Variants in MTARC1 observed in about 807,000 individuals in gnomAD.
The protein encoded by MTARC1 is mitochondrial amidoxime-reducing component 1.
MTARC1 carries 24 observed loss-of-function variants against 33.6 expected under a neutral mutation model. The ratio of observed to expected loss-of-function variants is 0.72; its 90% CI spans 0.52 to 1.01. The LOEUF (loss-of-function observed/expected upper bound fraction) is 1.01, where lower values mean the gene tolerates loss of function less well. Ranked by LOEUF, MTARC1 falls within the 50% of genes least tolerant of loss-of-function variation. The pLI is 0.00. For synonymous variants in MTARC1, 187 were observed against 189.5 expected (o/e 0.99, Z 0.11); for missense variants, 417 against 445.7 (o/e 0.94, Z 0.58).
rs1672675015 is a variant in MTARC1 at position 220,797,976 on chromosome 1, C to T, written c.715C>T (p.Pro239Ser). Reference sequence around the variant, plus strand: ...GAAAGTTAAAGCAACCAACTTCAGGCCCAATATTGTAATTTCAGGATGCGA... The same window carrying T: ...GAAAGTTAAAGCAACCAACTTCAGGTCCAATATTGTAATTTCAGGATGCGA... ...EKKVKATNFR[P>S]NIVISGCDVY... Residue 239 changes from proline (P) to serine (S), a missense_variant, in exon 4 of 7, where the codon CCC becomes TCC. Pro to Ser is a moderately conservative substitution (Grantham distance 74). Transcript: ENST00000366910. The T allele has an allele frequency of 1.9e-6, 3 of 1,614,104 alleles. No homozygotes were observed. Among genetic ancestry groups the T allele is most frequent in the African/African-American group, 2.7e-5 (2 of 74,924 alleles).
intron 1 of MTARC1, among the ~76,000 whole-genome samples, chr1:220,787,499 A>T (rs1161049680): frequency 6.6e-6 from 1 of 152,010 alleles, no homozygotes; most frequent in African/African-American, 2.4e-5. Context: ...GCTCCTGCTG[A>T]GGTGTGGTAT....
Position 220,805,090 on chromosome 1 carries a change from G to GA in MTARC1, c.796dup (p.Arg266LysfsTer36). 1 of 1,614,202 alleles carries GA rather than the reference G, an allele frequency of 6.2e-7. No homozygotes were observed. The highest frequency in any genetic ancestry group is 1.1e-5 in the South Asian group (1 of 91,080). On this transcript the variant is annotated frameshift_variant, in exon 5 of 7. Transcript: ENST00000366910. LOFTEE classifies it high-confidence loss of function. ...AGCTTCTTATTGGTGACGTGGAACT[G>GA]AAAAGGGTGATGGCTTGTTCCAGGT...
Position 220,787,158 on chromosome 1 carries a change from G to A in MTARC1, c.214G>A (p.Val72Met). ...CTACCCTGTGAAATCCTGCAAGGGG[G>A]TGCCGGTGAGCGAGGCGGAGTGCAC... ...WIYPVKSCKG[V>M]PVSEAECTAM... The change falls in exon 1 of 7, where the codon GTG becomes ATG. Residue 72 changes from valine to methionine, a missense_variant. By Grantham distance (21) the Val-to-Met change is conservative. Coordinates refer to ENST00000366910, the MANE Select transcript of MTARC1 (RefSeq NM_022746.4). 1.9e-6 allele frequency: 3 copies of A among 1,578,274 alleles called. No individual in the cohort carries two copies. Among genetic ancestry groups the A allele is most frequent in the Non-Finnish European group, 2.6e-6 (3 of 1,163,002 alleles).
intron 6 of MTARC1, chr1:220,808,961 G>A (rs1673048866): frequency 6.4e-6 from 3 of 466,782 alleles, no homozygotes; most frequent in South Asian, 1.6e-5. Context: ...ATATAGCACA[G>A]TTACTGCATG....
intron 6 of MTARC1, among the ~76,000 whole-genome samples, chr1:220,810,429 C>T (rs1673095227): frequency 6.6e-6 from 1 of 152,280 alleles, no homozygotes; most frequent in South Asian, 2.1e-4. Flanking sequence ...AACCAGGCAG[C>T]TGTAGGAAAG....
At chr1:220,805,168 C>G in intron 5 of MTARC1, 35 bp from the exon 6 acceptor site, 10 of 1,614,046 alleles carry the variant, frequency 6.2e-6, no homozygotes, top group Non-Finnish European at 8.5e-6. Context: ...TCGCTCTGCT[C>G]TGTCCCCCTT....
At position 220,813,466 on chromosome 1, in the gene MTARC1, C is replaced by A. The variant is rs1178942814; in HGVS notation, c.*48C>A. 3 of 1,603,178 alleles carry A rather than the reference C, an allele frequency of 1.9e-6. No individual in the cohort carries two copies. Among genetic ancestry groups the A allele is most frequent in the East Asian group, 2.2e-5 (1 of 44,698 alleles). ...ATTAGATGCCTTTTAAAAATGTTCT[C>A]AAAAATGACAACACTTGAAGCATGG... On this transcript the variant is annotated 3_prime_UTR_variant, in exon 7 of 7. Coordinates refer to ENST00000366910, the MANE Select transcript of MTARC1 (RefSeq NM_022746.4).
At position 220,817,647 on chromosome 1, in the gene MTARC1, C is replaced by T. The variant is rs1673309174; in HGVS notation, c.*4229C>T. 1.3e-5 allele frequency: 2 copies of T among 152,178 alleles called. No individual in the cohort carries two copies. The highest frequency in any genetic ancestry group is 1.5e-5 in the Non-Finnish European group (1 of 68,136). 9.4% of individuals were successfully genotyped at this position (152,178 alleles called of 1,614,324 possible). A position where few individuals can be genotyped will look rare whatever the true frequency, so the allele number is the denominator to read the frequency against. On this transcript the variant is annotated 3_prime_UTR_variant, in exon 7 of 7. Coordinates refer to ENST00000366910, the MANE Select transcript of MTARC1 (RefSeq NM_022746.4). ...AACACTGACTGGTGCATTTATAATC[C>T]TCTAGCTAGAAAGAAAAGTTCTCCA...
At chr1:220,794,347 A>T (rs1464412947) in intron 2 of MTARC1, 1 of 151,536 alleles carries the variant, frequency 6.6e-6, no homozygotes, top group African/African-American at 2.4e-5. Context: ...CTCCATACCT[A>T]GATATTTGGT....
chr1:220,795,046 T>C (rs560124186), intron 2 of MTARC1, among the ~76,000 whole-genome samples: 1 of 152,314 alleles, frequency 6.6e-6, no homozygotes, highest in African/African-American at 2.4e-5. Flanking sequence ...GATACTATAC[T>C]CAATATATTT....
At chr1:220,809,412 C>T (rs539385977) in intron 6 of MTARC1, among the ~76,000 whole-genome samples, 8 of 152,312 alleles carry the variant, frequency 5.3e-5, no homozygotes, top group South Asian at 2.1e-4. Context: ...AAACCTAACA[C>T]GAACTTGCCC....
At chr1:220,803,582 G>A (rs1275313516) in intron 4 of MTARC1, among the ~76,000 whole-genome samples, 2 of 152,020 alleles carry the variant, frequency 1.3e-5, no homozygotes, top group East Asian at 1.9e-4. Flanking sequence ...TGAAGCTACC[G>A]TGTGCTCTGA....
At chr1:220,790,650 C>T (rs1257776096) in intron 1 of MTARC1, among the ~76,000 whole-genome samples, 1 of 152,196 alleles carries the variant, frequency 6.6e-6, no homozygotes, top group Non-Finnish European at 1.5e-5. Context: ...ACCTAAAGTA[C>T]CGGCCATATT....
At chr1:220,806,313 G>C (rs1386139904) in intron 6 of MTARC1, among the ~76,000 whole-genome samples, 1 of 152,044 alleles carries the variant, frequency 6.6e-6, no homozygotes, top group Non-Finnish European at 1.5e-5. Context: ...CAGCCCCTGA[G>C]ACCCTTCCTT....
rs924154065 is a variant in MTARC1 at position 220,816,217 on chromosome 1, C to A, written c.*2799C>A. On this transcript the variant is annotated 3_prime_UTR_variant, in exon 7 of 7. Transcript: ENST00000366910. Reference sequence around the variant, plus strand: ...CTAGCCAAATGGGACTTCGGGAAACCATTTATGAGGCTGTCACCAACAGTG... The same window carrying A: ...CTAGCCAAATGGGACTTCGGGAAACAATTTATGAGGCTGTCACCAACAGTG... The A allele has an allele frequency of 6.6e-6, 1 of 152,150 alleles. No homozygotes were observed. The highest frequency in any genetic ancestry group is 1.5e-5 in the Non-Finnish European group (1 of 68,050). 9.4% of individuals were successfully genotyped at this position (152,150 alleles called of 1,614,324 possible).
intron 4 of MTARC1, 52 bp downstream of exon 4, chr1:220,798,066 G>A: frequency 6.2e-7 from 1 of 1,613,696 alleles, no homozygotes; most frequent in Non-Finnish European, 8.5e-7. Flanking sequence ...CTTTTTTAAG[G>A]TATGAGAGTC....
At chr1:220,809,902 G>A (rs1234091303) in intron 6 of MTARC1, among the ~76,000 whole-genome samples, 1 of 152,224 alleles carries the variant, frequency 6.6e-6, no homozygotes, top group African/African-American at 2.4e-5. Flanking sequence ...ATCGGGCAGT[G>A]ACCAGATACT....
chr1:220,807,039 G>T (rs1044780093), intron 6 of MTARC1, among the ~76,000 whole-genome samples: 1 of 152,072 alleles, frequency 6.6e-6, no homozygotes, highest in Non-Finnish European at 1.5e-5. Context: ...CATTTTGAGA[G>T]ATGTTTCTCA....
At chr1:220,787,387 C>T (rs918954511) in intron 1 of MTARC1, among the ~76,000 whole-genome samples, 168 bp downstream of exon 1, 2 of 152,236 alleles carry the variant, frequency 1.3e-5, no homozygotes, top group African/African-American at 2.4e-5. Flanking sequence ...GGAACCCTCA[C>T]CCCCCAGCAT....
Sources: gnomAD v4.1 joint callset for allele counts (sites outside exome capture counted in the v4.1 genomes callset) on GRCh38, gnomAD v4.1.1 for gene constraint, MANE v1.5 for transcripts, NCBI Gene and HGNC (gene_info 2026-07-23, HGNC 2026-07-21) for gene names.